Variants in CNIH3 observed in about 807,000 individuals in gnomAD.
CNIH3 encodes the protein cornichon family AMPA receptor auxiliary protein 3.
In CNIH3, 14 loss-of-function variants were observed where a neutral mutation model predicts 24.1. The observed-to-expected ratio is 0.58, with a 90% CI of 0.38 to 0.91. The LOEUF (loss-of-function observed/expected upper bound fraction) is 0.91, where lower values mean the gene tolerates loss of function less well. Among genes scored for constraint, CNIH3 ranks in the 40% least tolerant of loss-of-function variants. The pLI, the probability that CNIH3 is intolerant of heterozygous loss-of-function variation, is 0.00. For synonymous variants in CNIH3, 68 were observed against 73.8 expected, an observed-to-expected ratio of 0.92 and a Z score of 0.40; for missense variants, 178 against 196.8, an observed-to-expected ratio of 0.90 and a Z score of 0.57.
intron 3 of CNIH3, among the ~76,000 whole-genome samples, chr1:224,699,385 G>A (rs1356710383): frequency 6.6e-6 from 1 of 152,230 alleles, no homozygotes; most frequent in Non-Finnish European, 1.5e-5. Context: ...CCCTTCGGCA[G>A]CTGAATGTCA....
intron 2 of CNIH3, among the ~76,000 whole-genome samples, chr1:224,543,722 C>T (rs1679600688): frequency 6.6e-6 from 1 of 152,202 alleles, no homozygotes; most frequent in South Asian, 2.1e-4. Flanking sequence ...CCTGGCCTTA[C>T]CTCCCTCTAC....
At position 224,654,156 on chromosome 1, in the gene CNIH3, C is replaced by T. The variant is rs183222098; in HGVS notation, c.82-26802C>T. On this transcript the variant is annotated intron_variant, in intron 1 of 5. Transcript: ENST00000272133. ...CAACACTTTGGGAGGCCAAGGCGGG[C>T]GGATCACCTGAGGTCAGGAGTTCGA... Among the ~76,000 whole-genome samples the T allele has an allele frequency of 1.3e-4, 20 of 151,802 alleles. No homozygotes were observed. In the East Asian group the frequency reaches 2.1e-3, roughly 16 times the overall value.
intron 3 of CNIH3, among the ~76,000 whole-genome samples, chr1:224,595,209 T>G (rs76651173): frequency 0.026 from 3,969 of 152,210 alleles, 176 homozygotes; most frequent in African/African-American, 0.09. Context: ...ACCATACCTG[T>G]CTAATTTTAA....
At chr1:224,502,540 G>A (rs1188244472) in intron 1 of CNIH3, among the ~76,000 whole-genome samples, 1 of 152,192 alleles carries the variant, frequency 6.6e-6, no homozygotes, top group Non-Finnish European at 1.5e-5. Context: ...CTTCCTCCTG[G>A]TCTAGGCACT....
At chr1:224,539,053 C>T (rs1459004974), downstream of CNIH3, among the ~76,000 whole-genome samples, 1 of 150,586 alleles carries the variant, frequency 6.6e-6, no homozygotes, top group African/African-American at 2.5e-5. Context: ...GGGGGCTCAC[C>T]TATATTCACC....
intron 1 of CNIH3, among the ~76,000 whole-genome samples, chr1:224,501,522 TA>T (rs1318471283): frequency 0.032 from 3,085 of 96,972 alleles, 53 homozygotes; most frequent in East Asian, 0.062. Flanking sequence ...TATATATATA[TA>T]TATTTTTTTT....
chr1:224,529,637 A>AAATGCT (rs1226647207), intron 2 of CNIH3, among the ~76,000 whole-genome samples: 5 of 152,188 alleles, frequency 3.3e-5, no homozygotes, highest in Non-Finnish European at 5.9e-5. Flanking sequence ...GGTGAAACTC[A>AAATGCT]AATGCTAATG....
rs145145252 is a variant in CNIH3, at chr1:224,561,944, C to T, written n.451-4255C>T. 9.2e-5 allele frequency among the ~76,000 whole-genome samples: 14 copies of T among 152,182 alleles called. No individual in the cohort carries two copies. The East Asian group carries it at 1.3e-3, about 15-fold the overall frequency. On this transcript the variant is annotated intron_variant and non_coding_transcript_variant, in intron 3 of 5. Coordinates refer to the CNIH3 transcript ENST00000471578. ...TGGAGAATGGATTGAAGGACTTTCT[C>T]GAAGAAGAGTGCATGGAAACTTGTG...
intron 1 of CNIH3, among the ~76,000 whole-genome samples, chr1:224,456,101 A>G (rs909958787): frequency 1.3e-5 from 2 of 152,224 alleles, no homozygotes; most frequent in African/African-American, 2.4e-5. Flanking sequence ...TCACATAAAA[A>G]GGTCACCTTA....
At chr1:224,491,111 CA>C (rs1201740933) in intron 1 of CNIH3, among the ~76,000 whole-genome samples, 1 of 152,134 alleles carries the variant, frequency 6.6e-6, no homozygotes, top group Non-Finnish European at 1.5e-5. Flanking sequence ...CACAAGTACT[CA>C]AATATAGAAA....
intron 1 of CNIH3, among the ~76,000 whole-genome samples, chr1:224,494,940 T>C (rs1677374466): frequency 6.6e-6 from 1 of 152,180 alleles, no homozygotes; most frequent in South Asian, 2.1e-4. Flanking sequence ...ACCTCCACTT[T>C]CCCCTATTCA....
At chr1:224,702,127 G>A (rs1687526898) in intron 3 of CNIH3, among the ~76,000 whole-genome samples, 1 of 151,924 alleles carries the variant, frequency 6.6e-6, no homozygotes, top group South Asian at 2.1e-4. Flanking sequence ...TAATGGAAAA[G>A]TTGTTTTCCT....
intron 3 of CNIH3, among the ~76,000 whole-genome samples, chr1:224,556,969 G>C (rs1034393580): frequency 6.6e-6 from 1 of 152,194 alleles, no homozygotes; most frequent in African/African-American, 2.4e-5. Context: ...CACATTTCAG[G>C]CTCTCTGAGC....
chr1:224,657,809 G>C (rs1685170000), intron 1 of CNIH3, among the ~76,000 whole-genome samples: 1 of 152,128 alleles, frequency 6.6e-6, no homozygotes, highest in South Asian at 2.1e-4. Flanking sequence ...ACTGCTTTTT[G>C]AGAAGAATCA....
At chr1:224,625,195 C>T (rs1228865864) in intron 1 of CNIH3, among the ~76,000 whole-genome samples, 1 of 152,198 alleles carries the variant, frequency 6.6e-6, no homozygotes, top group Non-Finnish European at 1.5e-5. Context: ...ATAGACTCCT[C>T]CTCAATGAAT....
chr1:224,485,135 T>C (rs1032908198), intron 1 of CNIH3, among the ~76,000 whole-genome samples: 5 of 152,350 alleles, frequency 3.3e-5, no homozygotes, highest in Admixed American at 1.3e-4. Context: ...GAAACAGCCC[T>C]CTGTTACATA....
intron 1 of CNIH3, among the ~76,000 whole-genome samples, chr1:224,633,149 T>C (rs1165401776): frequency 2.6e-5 from 4 of 152,048 alleles, no homozygotes; most frequent in African/African-American, 9.7e-5. Flanking sequence ...AAGGAATGTA[T>C]CAGTTAAGAT....
chr1:224,729,922 C>T (rs1689235096), intron 3 of CNIH3, among the ~76,000 whole-genome samples: 1 of 152,188 alleles, frequency 6.6e-6, no homozygotes, highest in South Asian at 2.1e-4. Flanking sequence ...TCCTCTTGCT[C>T]CATCCACCAT....
intron 3 of CNIH3, among the ~76,000 whole-genome samples, chr1:224,594,614 C>G (rs1160803466): frequency 1.3e-5 from 2 of 152,174 alleles, no homozygotes; most frequent in Admixed American, 1.3e-4. Flanking sequence ...TAGGCCACGG[C>G]CTTTACTGGG....
Sources: allele counts gnomAD v4.1 joint callset (sites outside exome capture counted in the v4.1 genomes callset), GRCh38; gene constraint gnomAD v4.1.1; transcripts MANE v1.5; gene names NCBI Gene and HGNC (gene_info 2026-07-23, HGNC 2026-07-21).